GK: variants seen among roughly 807,000 people sequenced by gnomAD.
The protein encoded by GK is glycerol kinase, also known as ATP:glycerol 3-phosphotransferase.
GK carries 9 observed loss-of-function variants against 56.4 expected under a neutral mutation model. The ratio of observed to expected loss-of-function variants is 0.16; its 90% CI spans 0.10 to 0.28. The LOEUF (loss-of-function observed/expected upper bound fraction) is 0.28. Among genes scored for constraint, GK ranks in the 10% least tolerant of loss-of-function variants. The pLI is 1.00. For synonymous variants in GK, 104 were observed against 144.1 expected, an observed-to-expected ratio of 0.72 and a Z score of 1.99; for missense variants, 161 against 431.4, an observed-to-expected ratio of 0.37 and a Z score of 5.55.
intron 3 of GK, 22 bp downstream of exon 3, chrX:30,668,140 C>A (rs749130781): frequency 2.5e-6 from 2 of 800,235 alleles, no homozygotes; most frequent in African/African-American, 4.0e-5. Context: ...GAATATTTTA[C>A]CCACATAATA....
At chrX:30,678,045 G>A (rs1244162496) in intron 4 of GK, 1 of 541,091 alleles carries the variant, frequency 1.8e-6, no homozygotes, top group Admixed American at 2.5e-5. Context: ...AACCCCTGCT[G>A]TTTGTGACAT....
chrX:30,690,749 A>G (rs971690192), intron 4 of GK, among the ~76,000 whole-genome samples: 1 of 111,715 alleles, frequency 9.0e-6, no homozygotes, highest in African/African-American at 3.3e-5. Context: ...TGGGTTTTGC[A>G]TTTTGTGCTA....
chrX:30,728,478 A>C (rs1691956093), intron 20 of GK, among the ~76,000 whole-genome samples: 1 of 112,024 alleles, frequency 8.9e-6, no homozygotes, highest in South Asian at 3.7e-4. Flanking sequence ...CACTATATGT[A>C]GGTTATCTCT....
intron 1 of GK, among the ~76,000 whole-genome samples, chrX:30,664,890 A>G (rs1932972130): frequency 9.2e-6 from 1 of 108,972 alleles, no homozygotes; most frequent in Admixed American, 9.9e-5. Context: ...TTTTTAGTAG[A>G]GATGGGGTTT....
chrX:30,658,229 G>A (rs1422886265), intron 1 of GK, among the ~76,000 whole-genome samples: 4 of 112,195 alleles, frequency 3.6e-5, no homozygotes, highest in Admixed American at 9.4e-5. Context: ...ATGGGCCAGG[G>A]ACTAATGAAC....
intron 1 of GK, among the ~76,000 whole-genome samples, chrX:30,662,888 T>TTTCTTTCTTTCTTTCTTTCTTTC (rs2147132601): frequency 2.1e-5 from 2 of 94,112 alleles, no homozygotes; most frequent in African/African-American, 8.3e-5. Context: ...TCTTTCTTTC[T>TTTCTTTCTTTCTTTCTTTCTTTC]TTCTTTTCTT....
At chrX:30,704,559 T>A (rs1935883402) in intron 11 of GK, among the ~76,000 whole-genome samples, 1 of 107,874 alleles carries the variant, frequency 9.3e-6, no homozygotes, top group African/African-American at 3.4e-5. Flanking sequence ...ACATAGAAAT[T>A]AGGTCTTCGT....
intron 4 of GK, chrX:30,678,019 T>G (rs1249932392): frequency 1.8e-6 from 1 of 548,471 alleles, no homozygotes; most frequent in African/African-American, 2.2e-5. Context: ...AGTGAATGTT[T>G]GCCAAATTGT....
chrX:30,679,460 T>C (rs1481582237), intron 4 of GK, among the ~76,000 whole-genome samples: 1 of 111,397 alleles, frequency 9.0e-6, no homozygotes, highest in Non-Finnish European at 1.9e-5. Context: ...TCAGGTGATC[T>C]GCCCACCTTG....
chrX:30,696,841 C>A, intron 8 of GK, 158 bp downstream of exon 8: 1 of 475,297 alleles, frequency 2.1e-6, no homozygotes, highest in South Asian at 3.1e-5. Context: ...CTTTACAGTC[C>A]TTTTTACAAT....
chrX:30,713,536 C>A (rs1475440104), intron 13 of GK, among the ~76,000 whole-genome samples: 2 of 111,787 alleles, frequency 1.8e-5, no homozygotes, highest in African/African-American at 6.5e-5. Flanking sequence ...CAAGAGAACT[C>A]TTTTTCTCTC....
chrX:30,726,583 G>A (rs996946577), intron 19 of GK, among the ~76,000 whole-genome samples: 2 of 111,451 alleles, frequency 1.8e-5, no homozygotes, highest in Non-Finnish European at 3.8e-5. Flanking sequence ...CACTGCACCC[G>A]GCCTGAAAAT....
intron 3 of GK, chrX:30,674,381 A>G (rs1250932977): frequency 6.1e-6 from 2 of 328,503 alleles, no homozygotes; most frequent in Admixed American, 3.1e-5. Flanking sequence ...TGTGCTTAAT[A>G]TCTGGATCTC....
chrX:30,666,177 C>T (rs923068365), intron 2 of GK, among the ~76,000 whole-genome samples: 22 of 111,623 alleles, frequency 2.0e-4, no homozygotes, highest in African/African-American at 7.1e-4. Context: ...ATATGCCCAT[C>T]GAAAGACTTG....
rs968005241 is a variant in GK at position 30,724,159 on chromosome X, T to A, written c.1560T>A (p.Val520=). 1 of 1,155,136 alleles carries A rather than the reference T, an allele frequency of 8.7e-7. No individual in the cohort carries two copies. Among genetic ancestry groups the A allele is most frequent in the East Asian group, 3.0e-5 (1 of 33,666 alleles). Residue 520 remains valine, a synonymous_variant, in exon 19 of 21, where the codon GTT becomes GTA. Transcript: ENST00000427190. ...CTGTGATGAAGTCAATGGGTTGGGT[T>A]ACAACTCAATCTCCAGAAAGTGGTA... ...KKAVMKSMGW[V]TTQSPESGDP...
chrX:30,657,959 T>G (rs1360606121), intron 1 of GK, among the ~76,000 whole-genome samples: 1 of 112,480 alleles, frequency 8.9e-6, no homozygotes, highest in Non-Finnish European at 1.9e-5. Context: ...TACTGTGGGT[T>G]ATGATCATCT....
intron 19 of GK, among the ~76,000 whole-genome samples, chrX:30,726,803 T>A (rs1481783581): frequency 9.0e-6 from 1 of 111,666 alleles, no homozygotes; most frequent in African/African-American, 3.3e-5. Flanking sequence ...GCTACCTGTA[T>A]CTTAACCTAT....
intron 16 of GK, 31 bp downstream of exon 16, chrX:30,720,126 T>C (rs979969346): frequency 2.3e-6 from 2 of 885,957 alleles, no homozygotes; most frequent in Non-Finnish European, 3.3e-6. Context: ...TTCTTGTACT[T>C]AGTTCACTTT....
chrX:30,685,298 A>T (rs887645135), intron 4 of GK, among the ~76,000 whole-genome samples: 6 of 109,996 alleles, frequency 5.5e-5, no homozygotes, highest in Non-Finnish European at 1.1e-4. Context: ...CTCCCGGCTA[A>T]TTTTTTTTGT....
Sources: gnomAD v4.1 joint callset for allele counts (sites outside exome capture counted in the v4.1 genomes callset) on GRCh38, gnomAD v4.1.1 for gene constraint, MANE v1.5 for transcripts, NCBI Gene and HGNC (gene_info 2026-07-23, HGNC 2026-07-21) for gene names.